RORA: variants seen among roughly 807,000 people sequenced by gnomAD.
The protein encoded by RORA is nuclear receptor ROR-alpha.
A neutral mutation model predicts 69.5 loss-of-function variants in RORA; 7 were observed. That is an observed-to-expected ratio of 0.10 (90% CI 0.06 to 0.19). The LOEUF (loss-of-function observed/expected upper bound fraction) is 0.19, where lower values mean the gene tolerates loss of function less well. Among genes scored for constraint, RORA ranks in the 10% least tolerant of loss-of-function variants. RORA has a pLI of 1.00. For missense variants in RORA, 457 were observed against 663.0 expected, an observed-to-expected ratio of 0.69 and a Z score of 3.41; for synonymous variants, 261 against 240.8, an observed-to-expected ratio of 1.08 and a Z score of -0.78.
chr15:60,735,524 TG>T (rs2071485065), intron 1 of RORA, among the ~76,000 whole-genome samples: 1 of 150,198 alleles, frequency 6.7e-6, no homozygotes, highest in Non-Finnish European at 1.5e-5. Context: ...CCAGATGCGC[TG>T]CTGAGAGCCT....
chr15:60,608,891 T>C (rs929899854), intron 2 of RORA, among the ~76,000 whole-genome samples: 1 of 152,208 alleles, frequency 6.6e-6, no homozygotes, highest in African/African-American at 2.4e-5. Flanking sequence ...ATACCAAGCC[T>C]GGTCATCTGA....
intron 1 of RORA, among the ~76,000 whole-genome samples, chr15:60,973,284 G>A (rs555788371): frequency 1.5e-4 from 23 of 152,266 alleles, no homozygotes; most frequent in African/African-American, 5.3e-4. Flanking sequence ...TACACACCGT[G>A]AGGCCCAGAG....
rs185093262 is a variant in RORA at position 61,005,753 on chromosome 15, T to A, written c.166+223300A>T. ...GTGGCCTTTTCACAAATGAAGAAAC[T>A]GGAAAATGAGAGAATGAAAACCTAA... On this transcript the variant is annotated intron_variant, in intron 1 of 10. Transcript: ENST00000335670. 2.0e-3 allele frequency among the ~76,000 whole-genome samples: 305 copies of A among 152,096 alleles called. 2 individuals carry two copies. The highest frequency in any genetic ancestry group is 1.3e-3 in the Non-Finnish European group (85 of 67,988).
chr15:60,524,619 G>T (rs2066286374), intron 3 of RORA, among the ~76,000 whole-genome samples: 1 of 152,154 alleles, frequency 6.6e-6, no homozygotes, highest in Non-Finnish European at 1.5e-5. Context: ...CCCTTACCTT[G>T]TTGTATTATT....
intron 2 of RORA, among the ~76,000 whole-genome samples, chr15:60,628,387 A>C (rs2069648886): frequency 6.6e-6 from 1 of 151,978 alleles, no homozygotes; most frequent in African/African-American, 2.4e-5. Context: ...TCTTTTGGAG[A>C]TGGGGTCTTG....
At chr15:60,876,818 C>A (rs1385043809) in intron 1 of RORA, among the ~76,000 whole-genome samples, 1 of 152,158 alleles carries the variant, frequency 6.6e-6, no homozygotes, top group African/African-American at 2.4e-5. Flanking sequence ...GCGAGACAGA[C>A]ACCTAGTCAC....
At chr15:61,067,021 G>A (rs1308614371) in intron 1 of RORA, among the ~76,000 whole-genome samples, 2 of 151,944 alleles carry the variant, frequency 1.3e-5, no homozygotes, top group Non-Finnish European at 2.9e-5. Flanking sequence ...CAATGTCAGA[G>A]GTTAAAGATT....
At chr15:61,129,412 A>G in intron 1 of RORA, among the ~76,000 whole-genome samples, 1 of 152,162 alleles carries the variant, frequency 6.6e-6, no homozygotes. Flanking sequence ...ATACAGAGAC[A>G]GAAGGTAGAT....
intron 1 of RORA, among the ~76,000 whole-genome samples, chr15:60,819,617 C>G (rs1376708983): frequency 6.6e-6 from 1 of 152,216 alleles, no homozygotes; most frequent in South Asian, 2.1e-4. Flanking sequence ...GGCTGGGGCT[C>G]GTCTGTTGGG....
intron 1 of RORA, among the ~76,000 whole-genome samples, chr15:60,938,249 TA>T (rs1892584840): frequency 6.6e-6 from 1 of 152,160 alleles, no homozygotes; most frequent in South Asian, 2.1e-4. Flanking sequence ...GGAGAGTGAT[TA>T]GAAAAAACAA....
At chr15:60,625,474 T>A (rs374867755) in intron 2 of RORA, among the ~76,000 whole-genome samples, 1 of 152,240 alleles carries the variant, frequency 6.6e-6, no homozygotes, top group South Asian at 2.1e-4. Flanking sequence ...CCTGTACCTC[T>A]ATTTGCATAT....
chr15:60,728,659 A>T (rs1483283815), intron 1 of RORA, among the ~76,000 whole-genome samples: 1 of 152,244 alleles, frequency 6.6e-6, no homozygotes, highest in Non-Finnish European at 1.5e-5. Flanking sequence ...ATTTACCAGT[A>T]AAACACACTA....
At chr15:61,182,028 A>T (rs2079691658) in intron 1 of RORA, among the ~76,000 whole-genome samples, 1 of 152,212 alleles carries the variant, frequency 6.6e-6, no homozygotes, top group Non-Finnish European at 1.5e-5. Flanking sequence ...ATTTCAAAAT[A>T]CCCTTAATGG....
chr15:60,500,503 A>G (rs1426863485), intron 9 of RORA, among the ~76,000 whole-genome samples: 1 of 152,008 alleles, frequency 6.6e-6, no homozygotes, highest in Non-Finnish European at 1.5e-5. Flanking sequence ...GTAGTAACTT[A>G]GCAAAAGTGA....
chr15:60,887,165 AG>A (rs2073760943), intron 1 of RORA, among the ~76,000 whole-genome samples: 1 of 152,108 alleles, frequency 6.6e-6, no homozygotes, highest in Non-Finnish European at 1.5e-5. Flanking sequence ...AGAGAGAGAG[AG>A]AGAAAGAGAG....
intron 1 of RORA, among the ~76,000 whole-genome samples, chr15:60,872,801 C>G (rs1255814152): frequency 6.6e-6 from 1 of 150,658 alleles, no homozygotes; most frequent in Non-Finnish European, 1.5e-5. Flanking sequence ...TTCACATCTG[C>G]CCCCCTGGCT....
intron 1 of RORA, among the ~76,000 whole-genome samples, chr15:60,858,030 G>C (rs1482648354): frequency 6.6e-6 from 1 of 152,230 alleles, no homozygotes; most frequent in Non-Finnish European, 1.5e-5. Context: ...CTTCAGGACA[G>C]CACCTTGGTC....
At chr15:60,850,017 C>T (rs767241275) in intron 1 of RORA, among the ~76,000 whole-genome samples, 1 of 152,128 alleles carries the variant, frequency 6.6e-6, no homozygotes, top group Non-Finnish European at 1.5e-5. Flanking sequence ...GATGCAGGAG[C>T]AGGGAAGACA....
intron 1 of RORA, among the ~76,000 whole-genome samples, chr15:60,758,205 G>C (rs17204402): frequency 0.13 from 19,973 of 152,182 alleles, 1,654 homozygotes; most frequent in Middle Eastern, 0.19. Context: ...GGCACAGGGT[G>C]AATGCTCAGT....
Sources: gnomAD v4.1 joint callset for allele counts (sites outside exome capture counted in the v4.1 genomes callset) on GRCh38, gnomAD v4.1.1 for gene constraint, MANE v1.5 for transcripts, NCBI Gene and HGNC (gene_info 2026-07-23, HGNC 2026-07-21) for gene names.